The following GSDME variants were observed in gnomAD, a reference collection of about 807,000 sequenced individuals.
GSDME encodes gasdermin-E.
GSDME carries 44 observed loss-of-function variants against 47.5 expected under a neutral mutation model. The observed-to-expected ratio is 0.93, with a 90% CI of 0.73 to 1.19. GSDME has a LOEUF of 1.19. Ranked by LOEUF, GSDME falls within the 50% of genes most tolerant of loss-of-function variation. GSDME has a pLI of 0.00. For synonymous variants in GSDME, 258 were observed against 252.8 expected, an observed-to-expected ratio of 1.02 and a Z score of -0.20; for missense variants, 663 against 604.2, an observed-to-expected ratio of 1.10 and a Z score of -1.02.
chr7:24,769,948 G>C, the GSDME span, among the ~76,000 whole-genome samples: 1 of 152,210 alleles, frequency 6.6e-6, no homozygotes, highest in Non-Finnish European at 1.5e-5. Flanking sequence ...TATGTCCCTG[G>C]TTCCTGGCAC....
chr7:24,736,835 A>G lies in GSDME; in HGVS notation c.404+7727T>C, dbSNP rs953402378. Among the ~76,000 whole-genome samples, 3 of 152,194 alleles carry G rather than the reference A, an allele frequency of 2.0e-5. No homozygotes were observed. The highest frequency in any genetic ancestry group is 4.8e-5 in the African/African-American group (2 of 41,462). ...ACCTTCTCTGACCACAGTGGAATAA[A>G]AAAACTATATAGCAATAACAAGGGG... On this transcript the variant is annotated intron_variant, in intron 3 of 9. Transcript: ENST00000645220. This position sits in a 1 kb window ranked among gnomAD's most constrained non-coding sequence, Gnocchi z 4.6.
At chr7:24,774,327 C>CCCTT in the GSDME span, among the ~76,000 whole-genome samples, 1 of 117,420 alleles carries the variant, frequency 8.5e-6, no homozygotes, top group Non-Finnish European at 1.7e-5. Flanking sequence ...CTTCTTCCCT[C>CCCTT]CCTCCCTCCC....
the GSDME span, among the ~76,000 whole-genome samples, chr7:24,791,573 C>T: frequency 7.9e-5 from 12 of 152,294 alleles, no homozygotes; most frequent in African/African-American, 2.2e-4. This position sits in a 1 kb window ranked among gnomAD's most constrained non-coding sequence, Gnocchi z 4.8. Flanking sequence ...ACAGCCAGTA[C>T]GACTGCAGCT....
Position 24,719,190 on chromosome 7 carries a change from G to T in GSDME, c.433C>A (p.Gln145Lys), listed in dbSNP as rs1332181769. 1 of 1,613,124 alleles carries T rather than the reference G, an allele frequency of 6.2e-7. No homozygotes were observed. The highest frequency in any genetic ancestry group is 2.2e-5 in the East Asian group (1 of 44,880). ...RTINLRNPVLQQVLEGRNEVL... is the reference protein window; with the variant it reads ...RTINLRNPVLKQVLEGRNEVL... Reference sequence around the variant, plus strand: ...TCATTCCTTCCTTCCAGCACCTGCTGGAGCACAGGGTTTCTCAGATTTATT... The same window carrying T: ...TCATTCCTTCCTTCCAGCACCTGCTTGAGCACAGGGTTTCTCAGATTTATT... The change falls in exon 4 of 10, where the codon CAG becomes AAG. Residue 145 changes from glutamine (Q) to lysine (K), a missense_variant. Transcript: ENST00000645220.
chr7:24,772,331 C>T, the GSDME span, among the ~76,000 whole-genome samples: 1 of 152,196 alleles, frequency 6.6e-6, no homozygotes, highest in African/African-American at 2.4e-5. This position sits in a 1 kb window ranked among gnomAD's most constrained non-coding sequence, Gnocchi z 4.5. Context: ...CTTTGACCCA[C>T]AGGTTTAAGG....
chr7:24,699,204 G>A lies in GSDME; in HGVS notation c.1313C>T (p.Pro438Leu). The change falls in exon 10 of 10, where the codon CCC becomes CTC. Residue 438 changes from proline (P) to leucine (L), a missense_variant. Transcript: ENST00000645220. ...CCCAAACCTTTCTGTATCTTTCAGG[G>A]GAGTCAAGGTTGGGTCTTCAAGATC... ...VSDLEDPTLT[P>L]LKDTERFGIV... 3 of 1,614,130 alleles carry A rather than the reference G, an allele frequency of 1.9e-6. No homozygotes were observed. Among genetic ancestry groups the A allele is most frequent in the Non-Finnish European group, 2.5e-6 (3 of 1,180,030 alleles).
At position 24,744,824 on chromosome 7, in the gene GSDME, C is replaced by T. The variant is rs1228719223; in HGVS notation, c.212-70G>A. ...CACCAAGATGTCTTGGGTCATTTAG[C>T]TTTCCAAGCCTGTGCAGAGCCCCGG... On this transcript the variant is annotated intron_variant, in intron 2 of 9. Coordinates refer to ENST00000645220, the MANE Select transcript of GSDME (RefSeq NM_001127453.2). The surrounding 1 kb of genome is among the most constrained non-coding windows in gnomAD (Gnocchi z 4.5). 5.9e-6 allele frequency: 9 copies of T among 1,538,210 alleles called. No homozygotes were observed. In the African/African-American group the frequency reaches 1.2e-4, roughly 21 times the overall value.
At position 24,719,060 on chromosome 7, in the gene GSDME, G is replaced by A; in HGVS notation, c.563C>T (p.Thr188Ile). Residue 188 changes from threonine (T) to isoleucine (I), a missense_variant, in exon 4 of 10, where the codon ACC becomes ATC. By Grantham distance (89) the Thr-to-Ile change is moderately conservative. Transcript: ENST00000645220. ...GACTGCACGCACCTGCACCGTCTTG[G>A]TCTGGATGCCCACGATGCCACCACA... Reference protein sequence around the residue: ...EKCGGIVGIQTKTVQVSATED... With the variant: ...EKCGGIVGIQIKTVQVSATED... 6.2e-7 allele frequency: 1 copy of A among 1,612,704 alleles called. No homozygotes were observed. Among genetic ancestry groups the A allele is most frequent in the Admixed American group, 1.7e-5 (1 of 60,032 alleles).
At chr7:24,710,592 G>A (rs970662149) in intron 5 of GSDME, 1 of 588,380 alleles carries the variant, frequency 1.7e-6, no homozygotes, top group Non-Finnish European at 3.0e-6. Context: ...AACAAATAAG[G>A]AAATGGCTGT....
At chr7:24,703,424 G>C (rs1317924072) in intron 8 of GSDME, 1 of 169,830 alleles carries the variant, frequency 5.9e-6, no homozygotes, top group Admixed American at 5.5e-5. Flanking sequence ...GGCTGCACCA[G>C]AAGGGCCCTT....
chr7:24,794,299 C>CCTCTCTCTCTCTCTTTCTCTCCTCTCTCT, the GSDME span, among the ~76,000 whole-genome samples: 1 of 148,338 alleles, frequency 6.7e-6, no homozygotes, highest in African/African-American at 2.5e-5. Flanking sequence ...CTCTTTCTCT[C>CCTCTCTCTCTCTCTTTCTCTCCTCTCTCT]CTCTCTCTCT....
In GSDME at chr7:24,745,266, C is replaced by A. The variant is rs540035550; in HGVS notation, c.212-512G>T. On this transcript the variant is annotated intron_variant, in intron 2 of 9. Transcript: ENST00000645220. This position sits in a 1 kb window ranked among gnomAD's most constrained non-coding sequence, Gnocchi z 4.4. ...AGAAGACAACTAAACAGAGAGAGAA[C>A]AGCAGCCCCTATTCTGGATGCACCG... Among the ~76,000 whole-genome samples the A allele has an allele frequency of 6.6e-6, 1 of 152,160 alleles. No individual in the cohort carries two copies. The highest frequency in any genetic ancestry group is 6.5e-5 in the Admixed American group (1 of 15,278).
At chr7:24,792,776 G>C in the GSDME span, among the ~76,000 whole-genome samples, 1 of 139,658 alleles carries the variant, frequency 7.2e-6, no homozygotes, top group African/African-American at 2.7e-5. Flanking sequence ...GCGCAAGGTA[G>C]GGTCCTTCCC....
At position 24,716,050 on chromosome 7, in the gene GSDME, CAT is replaced by C. The variant is rs566116868; in HGVS notation, c.697+1202_697+1203del. ...GTGGCTGCTGAATGGCGTAGTGACT[CAT>C]GTGGGCTTAGCGAGGGCAGGAGCTG... On this transcript the variant is annotated intron_variant, in intron 5 of 9. Transcript: ENST00000645220. The surrounding 1 kb of genome is among the most constrained non-coding windows in gnomAD (Gnocchi z 4.5). Among the ~76,000 whole-genome samples the C allele has an allele frequency of 4.9e-4, 75 of 152,332 alleles. 3 individuals are homozygous for C. In the South Asian group the frequency reaches 5.8e-3, roughly 12 times the overall value.
chr7:24,786,430 T>C, the GSDME span, among the ~76,000 whole-genome samples: 622 of 152,278 alleles, frequency 4.1e-3, 7 homozygotes, highest in African/African-American at 0.014. This position sits in a 1 kb window ranked among gnomAD's most constrained non-coding sequence, Gnocchi z 5.5. Flanking sequence ...CCATCAGCAG[T>C]GAGTTGTGAG....
Position 24,756,749 on chromosome 7 carries a change from G to T in GSDME, c.-20+647C>A, listed in dbSNP as rs1791030605. On this transcript the variant is annotated intron_variant, in intron 1 of 9. Transcript: ENST00000645220. The surrounding 1 kb of genome is among the most constrained non-coding windows in gnomAD (Gnocchi z 4.2). ...GCAGACGGCAAGCGGCTCTGGAAAG[G>T]GTCAGAGGTCCTCAAATGGAGACCA... Among the ~76,000 whole-genome samples, 1 of 152,170 alleles carries T rather than the reference G, an allele frequency of 6.6e-6. No homozygotes were observed. Among genetic ancestry groups the T allele is most frequent in the South Asian group, 2.1e-4 (1 of 4,816 alleles).
chr7:24,793,749 T>C, the GSDME span, among the ~76,000 whole-genome samples: 1 of 152,110 alleles, frequency 6.6e-6, no homozygotes, highest in Admixed American at 6.5e-5. Flanking sequence ...ATGTAATATA[T>C]AACGTTCTTT....
intron 7 of GSDME, among the ~76,000 whole-genome samples, chr7:24,707,119 A>G (rs888969223): frequency 6.6e-6 from 1 of 152,260 alleles, no homozygotes; most frequent in African/African-American, 2.4e-5. Context: ...GACTGTTTCA[A>G]TAACAGGTTC....
chr7:24,713,632 G>A (rs1039272870), intron 5 of GSDME, among the ~76,000 whole-genome samples: 3 of 152,228 alleles, frequency 2.0e-5, no homozygotes, highest in African/African-American at 7.2e-5. Flanking sequence ...TGACCAGAGG[G>A]AAGGCACGAG....
Sources: allele counts gnomAD v4.1 joint callset (sites outside exome capture counted in the v4.1 genomes callset), GRCh38; gene constraint gnomAD v4.1.1; non-coding constraint Gnocchi (gnomAD v3.1); transcripts MANE v1.5; gene names NCBI Gene and HGNC (gene_info 2026-07-23, HGNC 2026-07-21).